The following TENM3 variants were observed in gnomAD, a reference collection of about 807,000 sequenced individuals.
TENM3 encodes teneurin-3.
TENM3 carries 63 observed loss-of-function variants against 255.1 expected under a neutral mutation model. The observed-to-expected ratio is 0.25, with a 90% CI of 0.20 to 0.30. TENM3 has a LOEUF of 0.30. Ranked by LOEUF, TENM3 falls within the 10% of genes least tolerant of loss-of-function variation. The pLI, the probability that TENM3 is intolerant of heterozygous loss-of-function variation, is 1.00. For missense variants in TENM3, 2,929 were observed against 3,461.1 expected, an observed-to-expected ratio of 0.85 and a Z score of 3.86; for synonymous variants, 1,306 against 1,322.3, an observed-to-expected ratio of 0.99 and a Z score of 0.27.
the TENM3 span, among the ~76,000 whole-genome samples, chr4:181,516,237 G>A: frequency 0.018 from 2,799 of 151,992 alleles, 48 homozygotes; most frequent in East Asian, 0.07. Flanking sequence ...AGAGCATTAG[G>A]AAAAATAGCT....
At chr4:181,754,472 G>T in the TENM3 span, among the ~76,000 whole-genome samples, 1 of 152,144 alleles carries the variant, frequency 6.6e-6, no homozygotes, top group Non-Finnish European at 1.5e-5. Flanking sequence ...GTGGAGAAAT[G>T]AGGAAATATT....
the TENM3 span, among the ~76,000 whole-genome samples, chr4:181,896,003 A>G: frequency 1.3e-4 from 20 of 152,208 alleles, no homozygotes; most frequent in Admixed American, 1.3e-3. Context: ...ACTTCCTGAC[A>G]TTCCCCCTGC....
At chr4:181,674,921 G>A in the TENM3 span, among the ~76,000 whole-genome samples, 1 of 152,100 alleles carries the variant, frequency 6.6e-6, no homozygotes, top group Admixed American at 6.6e-5. Context: ...TCACTCAAAA[G>A]TTGAATTACA....
the TENM3 span, among the ~76,000 whole-genome samples, chr4:181,897,478 TA>T: frequency 6.6e-6 from 1 of 152,214 alleles, no homozygotes; most frequent in African/African-American, 2.4e-5. Flanking sequence ...TCATACTAAC[TA>T]AAAGGTAGAA....
At chr4:182,374,610 C>G (rs866309446) in intron 3 of TENM3, among the ~76,000 whole-genome samples, 1 of 152,180 alleles carries the variant, frequency 6.6e-6, no homozygotes. Flanking sequence ...GTCTTTCTTC[C>G]CTACATGATA....
chr4:181,605,512 AAG>A, the TENM3 span, among the ~76,000 whole-genome samples: 20 of 20,116 alleles, frequency 9.9e-4, 2 homozygotes, highest in African/African-American at 2.5e-3. Context: ...GAAAGAAAGA[AAG>A]AAAGAAAGAA....
chr4:182,793,926 A>G lies in TENM3; in HGVS notation c.7213+41A>G. 3 of 1,510,458 alleles carry G rather than the reference A, an allele frequency of 2.0e-6. No individual in the cohort carries two copies. The highest frequency in any genetic ancestry group is 1.3e-5 in the South Asian group (1 of 76,590). The allele number at this position is 1,510,458 out of a possible 1,614,324, so 93.6% of individuals were successfully genotyped here. On this transcript the variant is annotated intron_variant, in intron 26 of 27. Transcript: ENST00000511685. The surrounding 1 kb of genome is among the most constrained non-coding windows in gnomAD (Gnocchi z 5.7). ...CCTTCCCAAGAGCTGGAGGACTACC[A>G]TCATTAGATTAATACACAAAATAAC...
chr4:182,155,684 G>C lies in TENM3; in HGVS notation c.-76+10930G>C, dbSNP rs1750657151. ...TTTCAATTATTTTATGAGATTTTTA[G>C]AAGAATAATAATTTAAATAAGACCT... On this transcript the variant is annotated intron_variant, in intron 1 of 2. Transcript: ENST00000512480. Among the ~76,000 whole-genome samples the C allele has an allele frequency of 2.0e-5, 3 of 152,118 alleles. No individual in the cohort carries two copies. The South Asian group carries it at 6.2e-4, about 32-fold the overall frequency.
intron 3 of TENM3, among the ~76,000 whole-genome samples, chr4:182,468,824 TTG>T (rs66517986): frequency 0.089 from 12,791 of 143,532 alleles, 709 homozygotes; most frequent in African/African-American, 0.16. Flanking sequence ...TCCTGTGTGC[TTG>T]TGTGTGTGTG....
chr4:181,622,306 A>C, the TENM3 span, among the ~76,000 whole-genome samples: 3 of 152,234 alleles, frequency 2.0e-5, no homozygotes, highest in Admixed American at 6.5e-5. Context: ...CTCACCAAAC[A>C]CAATACTGGC....
intron 13 of TENM3, among the ~76,000 whole-genome samples, chr4:182,726,597 C>G (rs1304141322): frequency 1.3e-5 from 2 of 152,126 alleles, no homozygotes; most frequent in Non-Finnish European, 2.9e-5. Context: ...CATTTCTGAA[C>G]CAAACAGGAA....
At chr4:182,155,459 T>G (rs1750641596) in intron 1 of TENM3, among the ~76,000 whole-genome samples, 1 of 152,076 alleles carries the variant, frequency 6.6e-6, no homozygotes, top group African/African-American at 2.4e-5. Flanking sequence ...AGATATATGA[T>G]ACTAAAATTA....
the TENM3 span, among the ~76,000 whole-genome samples, chr4:181,624,440 G>A: frequency 6.6e-6 from 1 of 152,098 alleles, no homozygotes; most frequent in Non-Finnish European, 1.5e-5. Context: ...GGAGAGAAGT[G>A]GAAAAAAATT....
chr4:182,099,359 T>C, the TENM3 span, among the ~76,000 whole-genome samples: 1 of 152,168 alleles, frequency 6.6e-6, no homozygotes, highest in African/African-American at 2.4e-5. Context: ...GATCACTGGT[T>C]AAACCAGTGA....
At chr4:182,703,056 C>G (rs949003067) in intron 12 of TENM3, among the ~76,000 whole-genome samples, 11 of 152,302 alleles carry the variant, frequency 7.2e-5, no homozygotes, top group Non-Finnish European at 1.0e-4. Flanking sequence ...TTCTTAAGCC[C>G]TAGATAGACT....
the TENM3 span, among the ~76,000 whole-genome samples, chr4:181,784,806 C>G: frequency 3.9e-5 from 6 of 152,110 alleles, no homozygotes; most frequent in Non-Finnish European, 7.3e-5. Context: ...GCCCCCTCAC[C>G]ATTTTTAAGT....
At chr4:182,436,894 T>A (rs1772088783) in intron 3 of TENM3, among the ~76,000 whole-genome samples, 1 of 152,102 alleles carries the variant, frequency 6.6e-6, no homozygotes, top group African/African-American at 2.4e-5. Flanking sequence ...GGTGGGCACC[T>A]GTTATCCCAG....
rs189313369 is a variant in TENM3, at chr4:182,197,779, G to A, written c.-76+53025G>A. Among the ~76,000 whole-genome samples, 467 of 152,280 alleles carry A rather than the reference G, an allele frequency of 3.1e-3. 3 individuals are homozygous for A. The highest frequency in any genetic ancestry group is 0.01 in the African/African-American group (434 of 41,550). ...CTTCTCAGAAATGCGGTGCTGGTTT[G>A]TCAACCCTGTTCTCCCACTCAGCAA... On this transcript the variant is annotated intron_variant, in intron 1 of 2. Transcript: ENST00000512480.
chr4:181,654,900 A>G, the TENM3 span, among the ~76,000 whole-genome samples: 1 of 152,210 alleles, frequency 6.6e-6, no homozygotes. Context: ...CCAACATGAG[A>G]AAAACTACTG....
Sources: gnomAD v4.1 joint callset for allele counts (sites outside exome capture counted in the v4.1 genomes callset) on GRCh38, gnomAD v4.1.1 for gene constraint, Gnocchi (gnomAD v3.1) non-coding constraint, MANE v1.5 for transcripts, NCBI Gene and HGNC (gene_info 2026-07-23, HGNC 2026-07-21) for gene names.